Variants in TXNDC16 observed in about 807,000 individuals in gnomAD.
TXNDC16 encodes thioredoxin domain containing 16.
A neutral mutation model predicts 85.6 loss-of-function variants in TXNDC16; 74 were observed. The ratio of observed to expected loss-of-function variants is 0.86; its 90% CI spans 0.72 to 1.05. TXNDC16 has a LOEUF of 1.05. Among genes scored for constraint, TXNDC16 ranks in the 50% least tolerant of loss-of-function variants. The pLI, the probability that TXNDC16 is intolerant of heterozygous loss-of-function variation, is 0.00. For missense variants in TXNDC16, 959 were observed against 947.0 expected, an observed-to-expected ratio of 1.01 and a Z score of -0.17; for synonymous variants, 335 against 326.5, an observed-to-expected ratio of 1.03 and a Z score of -0.28.
chr14:52,509,643 A>C (rs1202368973), intron 9 of TXNDC16, among the ~76,000 whole-genome samples: 2 of 151,738 alleles, frequency 1.3e-5, no homozygotes, highest in Non-Finnish European at 2.9e-5. Flanking sequence ...AAAGTATAAT[A>C]ATAATAAAAA....
At chr14:52,506,320 C>T (rs529216989) in intron 9 of TXNDC16, among the ~76,000 whole-genome samples, 1 of 152,220 alleles carries the variant, frequency 6.6e-6, no homozygotes, top group African/African-American at 2.4e-5. Context: ...ATGCAAAAAT[C>T]CTCAATAAAA....
rs150608711 is a variant in TXNDC16 at position 52,541,833 on chromosome 14, T to C, written c.243+538A>G. Among the ~76,000 whole-genome samples the C allele has an allele frequency of 4.1e-3, 622 of 152,316 alleles. 8 individuals are homozygous for C. The highest frequency in any genetic ancestry group is 0.014 in the African/African-American group (581 of 41,562). ...CATGTGGAAATTTTCTATAATACTC[T>C]ATGGCAAATTTGAACATTTTTTGAG... On this transcript the variant is annotated intron_variant, in intron 4 of 20. Transcript: ENST00000281741.
At chr14:52,499,287 A>T (rs1421643964) in intron 9 of TXNDC16, among the ~76,000 whole-genome samples, 1 of 152,196 alleles carries the variant, frequency 6.6e-6, no homozygotes, top group Non-Finnish European at 1.5e-5. Flanking sequence ...TATGACAACA[A>T]AAGCACAAAC....
chr14:52,469,306 C>A (rs1294952972), intron 16 of TXNDC16, among the ~76,000 whole-genome samples: 1 of 151,168 alleles, frequency 6.6e-6, no homozygotes, highest in Non-Finnish European at 1.5e-5. Context: ...GAGATCATGC[C>A]ATTGCACTCC....
intron 20 of TXNDC16, among the ~76,000 whole-genome samples, chr14:52,437,322 A>T (rs2035052267): frequency 6.6e-6 from 1 of 152,156 alleles, no homozygotes; most frequent in Non-Finnish European, 1.5e-5. Context: ...CCACAAAAAC[A>T]CCTGTTAGAA....
rs764369521 is a variant in TXNDC16 at position 52,490,913 on chromosome 14, A to G, written c.849T>C (p.Tyr283=). ...ATTCTGCAGTTCTTCTATCAGCTTC[A>G]TAAGTAGCCTGTTGGCTAACAATAA... ...LVFIVSQQAT[Y]EADRRTAEWV... is the part of the protein sequence containing the mutation. Residue 283 remains tyrosine, a synonymous_variant, in exon 10 of 21, where the codon TAT becomes TAC. Coordinates refer to ENST00000281741, the MANE Select transcript of TXNDC16 (RefSeq NM_020784.3). The G allele has an allele frequency of 5.0e-6, 8 of 1,613,750 alleles. No homozygotes were observed. Among genetic ancestry groups the G allele is most frequent in the South Asian group, 4.4e-5 (4 of 91,006 alleles).
chr14:52,459,794 A>C (rs2035612991), intron 16 of TXNDC16, among the ~76,000 whole-genome samples: 1 of 152,230 alleles, frequency 6.6e-6, no homozygotes, highest in Non-Finnish European at 1.5e-5. Context: ...TTTATCTCAT[A>C]AACAGAACTA....
chr14:52,511,395 A>C lies in TXNDC16; in HGVS notation c.606-5T>G. 1 of 1,552,196 alleles carries C rather than the reference A, an allele frequency of 6.4e-7. No individual in the cohort carries two copies. Among genetic ancestry groups the C allele is most frequent in the Non-Finnish European group, 8.8e-7 (1 of 1,140,450 alleles). ...GCATATTCCACATCCTCAGAGCTAC[A>C]AATTAAAAATTAATTAACTTAATGA... On this transcript the variant is annotated splice_region_variant and splice_polypyrimidine_tract_variant and intron_variant, in intron 8 of 20. Coordinates refer to ENST00000281741, the MANE Select transcript of TXNDC16 (RefSeq NM_020784.3).
chr14:52,548,835 T>G (rs112250615), intron 1 of TXNDC16, among the ~76,000 whole-genome samples: 13,115 of 151,300 alleles, frequency 0.087, 626 homozygotes, highest in East Asian at 0.14. Flanking sequence ...TGAGCCGAGA[T>G]CACACCATTG....
Position 52,491,126 on chromosome 14 carries a change from T to A in TXNDC16, c.757-121A>T. 4 of 1,108,578 alleles carry A rather than the reference T, an allele frequency of 3.6e-6. No individual in the cohort carries two copies. The South Asian group carries it at 7.0e-5, about 19-fold the overall frequency. The allele number at this position is 1,108,578 out of a possible 1,614,324, so 68.7% of individuals were successfully genotyped here. ...AAAAAAGTGTAAAATAATCCAACAC[T>A]AACAGAAACGATCTCTTAATTCCCT... is the stretch of plus-strand genomic sequence containing the variant. On this transcript the variant is annotated intron_variant, in intron 9 of 20. Transcript: ENST00000281741.
intron 20 of TXNDC16, among the ~76,000 whole-genome samples, chr14:52,438,846 T>A (rs2035096246): frequency 6.6e-6 from 1 of 152,228 alleles, no homozygotes; most frequent in South Asian, 2.1e-4. Flanking sequence ...TCTTCTGAAA[T>A]CTACAATTTT....
intron 4 of TXNDC16, among the ~76,000 whole-genome samples, chr14:52,539,897 C>T (rs972331292): frequency 2.0e-5 from 3 of 152,020 alleles, no homozygotes; most frequent in African/African-American, 7.2e-5. Flanking sequence ...TTCTAAATAT[C>T]ATTGGTTAGG....
intron 9 of TXNDC16, among the ~76,000 whole-genome samples, chr14:52,496,772 G>C (rs923788077): frequency 6.6e-6 from 1 of 151,770 alleles, no homozygotes; most frequent in Non-Finnish European, 1.5e-5. Flanking sequence ...ATCATACCCA[G>C]CTAATTTTTT....
At chr14:52,543,337 T>TAC in intron 3 of TXNDC16, 61 bp downstream of exon 3, 1 of 1,523,884 alleles carries the variant, frequency 6.6e-7, no homozygotes, top group Non-Finnish European at 8.9e-7. Context: ...CCACTGAACT[T>TAC]ACTGATTAAA....
chr14:52,432,011 A>G lies in TXNDC16; in HGVS notation c.*293T>C. The G allele has an allele frequency of 3.9e-6, 1 of 255,590 alleles. No homozygotes were observed. Among genetic ancestry groups the G allele is most frequent in the South Asian group, 7.5e-5 (1 of 13,322 alleles). The allele number at this position is 255,590 out of a possible 1,614,324, so 15.8% of individuals were successfully genotyped here. On this transcript the variant is annotated 3_prime_UTR_variant, in exon 21 of 21. Transcript: ENST00000281741. ...GCAGTAAGTATAAAATATGTACTGC[A>G]TTTAGAAGACTTGGTACAAAAAAGG...
intron 18 of TXNDC16, among the ~76,000 whole-genome samples, chr14:52,442,365 C>T (rs951000558): frequency 5.3e-5 from 8 of 152,170 alleles, no homozygotes; most frequent in African/African-American, 1.9e-4. Context: ...CACGGCTAAG[C>T]AGGGGGAAGG....
chr14:52,460,177 C>T (rs374917667), intron 16 of TXNDC16, among the ~76,000 whole-genome samples: 1 of 152,084 alleles, frequency 6.6e-6, no homozygotes, highest in African/African-American at 2.4e-5. Context: ...GAGTTTGAGA[C>T]CAGCCTGGGT....
chr14:52,514,897 G>T lies in TXNDC16; in HGVS notation c.588C>A (p.Ala196=), dbSNP rs146544965. ...TYQFVLTTEI[A]LLESIGSEDV... Reference sequence around the variant, plus strand: ...ATACATACCCAATACTTTCCAAAAGGGCAATTTCTGTGGTTAAGACAAATT... The same window carrying T: ...ATACATACCCAATACTTTCCAAAAGTGCAATTTCTGTGGTTAAGACAAATT... Residue 196 remains alanine (A), a synonymous_variant, in exon 8 of 21, where the codon GCC becomes GCA. Transcript: ENST00000281741. 6.2e-7 allele frequency: 1 copy of T among 1,611,384 alleles called. No homozygotes were observed. Among genetic ancestry groups the T allele is most frequent in the African/African-American group, 1.3e-5 (1 of 74,776 alleles).
intron 16 of TXNDC16, among the ~76,000 whole-genome samples, chr14:52,465,793 G>A (rs2035760642): frequency 6.6e-6 from 1 of 152,148 alleles, no homozygotes; most frequent in African/African-American, 2.4e-5. Context: ...AAGAGAAGGT[G>A]TGATATTTAA....
Sources: allele counts gnomAD v4.1 joint callset (sites outside exome capture counted in the v4.1 genomes callset), GRCh38; gene constraint gnomAD v4.1.1; transcripts MANE v1.5; gene names NCBI Gene and HGNC (gene_info 2026-07-23, HGNC 2026-07-21).